The following HS1BP3 variants were observed in gnomAD, a reference collection of about 807,000 sequenced individuals.
HS1BP3 encodes the protein HCLS1-binding protein 3.
HS1BP3 carries 32 observed loss-of-function variants against 33.5 expected under a neutral mutation model. That is an observed-to-expected ratio of 0.95 (90% CI 0.72 to 1.28). The LOEUF (loss-of-function observed/expected upper bound fraction) is 1.28, where lower values mean the gene tolerates loss of function less well. HS1BP3 is among the 50% of genes most tolerant of loss of function. The pLI, the probability that HS1BP3 is intolerant of heterozygous loss-of-function variation, is 0.00. For missense variants in HS1BP3, 486 were observed against 502.3 expected (o/e 0.97, Z 0.31); for synonymous variants, 187 against 209.2 (o/e 0.89, Z 0.92).
At position 20,561,756 on chromosome 2, in the gene HS1BP3, C is replaced by A. The variant is rs144297502; in HGVS notation, c.303-1241G>T. On this transcript the variant is annotated intron_variant, in intron 5 of 5. Transcript: ENST00000446825. ...CTTCTTGGTTTCTGGCACACTGCTC[C>A]TTAAAACCCTTGGAATTGCCAGAGT... 2.7e-3 allele frequency among the ~76,000 whole-genome samples: 412 copies of A among 152,268 alleles called. 1 individual carries two copies. Among genetic ancestry groups the A allele is most frequent in the African/African-American group, 9.4e-3 (392 of 41,546 alleles).
intron 6 of HS1BP3, chr2:20,622,196 G>T: frequency 7.7e-7 from 1 of 1,295,044 alleles, no homozygotes; most frequent in Non-Finnish European, 1.0e-6. Context: ...ATGGCTATCA[G>T]AACATTCTTT....
chr2:20,628,973 G>T (rs984911733), intron 4 of HS1BP3, among the ~76,000 whole-genome samples: 1 of 152,174 alleles, frequency 6.6e-6, no homozygotes, highest in Admixed American at 6.5e-5. Context: ...CTTTGCTCAT[G>T]GTCCATAGAA....
chr2:20,619,437 G>A (rs1482353020), intron 6 of HS1BP3, among the ~76,000 whole-genome samples, 192 bp from the exon 7 acceptor site: 1 of 152,130 alleles, frequency 6.6e-6, no homozygotes, highest in African/African-American at 2.4e-5. Context: ...GAGGAGACAC[G>A]AAGGCCAGGG....
At chr2:20,642,031 C>T (rs1173122220) in intron 2 of HS1BP3, among the ~76,000 whole-genome samples, 2 of 152,206 alleles carry the variant, frequency 1.3e-5, no homozygotes, top group African/African-American at 4.8e-5. Flanking sequence ...GGCCTGGCAC[C>T]TACCCTCACT....
chr2:20,578,976 G>A (rs1430016845), intron 5 of HS1BP3, among the ~76,000 whole-genome samples: 1 of 152,236 alleles, frequency 6.6e-6, no homozygotes, highest in African/African-American at 2.4e-5. Context: ...GCAGCCAAGT[G>A]GAAAGTCAGG....
At chr2:20,642,109 C>T (rs1277626707) in intron 2 of HS1BP3, among the ~76,000 whole-genome samples, 1 of 152,262 alleles carries the variant, frequency 6.6e-6, no homozygotes, top group Non-Finnish European at 1.5e-5. Context: ...CTCCTCGCTC[C>T]TCTGTGCTTT....
downstream of HS1BP3, among the ~76,000 whole-genome samples, chr2:20,615,045 C>G (rs1694395210): frequency 6.6e-6 from 1 of 152,202 alleles, no homozygotes; most frequent in Non-Finnish European, 1.5e-5. Context: ...TGTTGACAGG[C>G]CTGTTGATCA....
chr2:20,588,542 A>T (rs1693736671), downstream of HS1BP3, among the ~76,000 whole-genome samples: 1 of 152,122 alleles, frequency 6.6e-6, no homozygotes, highest in Non-Finnish European at 1.5e-5. Context: ...CTGGTCTCGA[A>T]TTCCCGACCT....
chr2:20,593,225 C>T (rs1434209047), intron 3 of HS1BP3, among the ~76,000 whole-genome samples: 1 of 152,114 alleles, frequency 6.6e-6, no homozygotes, highest in Non-Finnish European at 1.5e-5. Flanking sequence ...CCCTCCCTGG[C>T]CACATTGTCT....
chr2:20,580,965 C>A lies in HS1BP3; in HGVS notation c.303-20450G>T, dbSNP rs148349146. Among the ~76,000 whole-genome samples, 482 of 152,346 alleles carry A rather than the reference C, an allele frequency of 3.2e-3. 5 individuals carry two copies. Among genetic ancestry groups the A allele is most frequent in the African/African-American group, 0.011 (470 of 41,574 alleles). Reference sequence around the variant, plus strand: ...GACCCAAGGATACCACTGCTGAAGGCACAGCCCCAGGTTAGTGTCCCATGC... The same window carrying A: ...GACCCAAGGATACCACTGCTGAAGGAACAGCCCCAGGTTAGTGTCCCATGC... On this transcript the variant is annotated intron_variant, in intron 5 of 5. Coordinates refer to the HS1BP3 transcript ENST00000446825.
chr2:20,617,822 T>C lies in HS1BP3; in HGVS notation c.*1165A>G, dbSNP rs1160551375. 1 of 152,568 alleles carries C rather than the reference T, an allele frequency of 6.6e-6. No individual in the cohort carries two copies. The highest frequency in any genetic ancestry group is 2.4e-5 in the African/African-American group (1 of 41,466). 9.5% of individuals were successfully genotyped at this position (152,568 alleles called of 1,614,324 possible). ...AAGAATTATATCCAAGAAAGACACC[T>C]TGACATTTTTTGCTTTATTAAACAT... On this transcript the variant is annotated 3_prime_UTR_variant, in exon 7 of 7. Coordinates refer to ENST00000304031, the MANE Select transcript of HS1BP3 (RefSeq NM_022460.4).
intron 3 of HS1BP3, 53 bp downstream of exon 3, chr2:20,640,920 G>A (rs574004270): frequency 1.3e-6 from 2 of 1,562,032 alleles, no homozygotes; most frequent in East Asian, 2.2e-5. Context: ...CGGCAGCGGG[G>A]CCTAGTTCTG....
intron 5 of HS1BP3, among the ~76,000 whole-genome samples, chr2:20,569,040 C>A (rs770481263): frequency 1.1e-4 from 16 of 152,146 alleles, no homozygotes; most frequent in Admixed American, 2.0e-4. Context: ...ATGAGCCCGG[C>A]AGCTAGGAAT....
chr2:20,642,906 C>T (rs1007363149), intron 2 of HS1BP3, among the ~76,000 whole-genome samples: 7 of 152,214 alleles, frequency 4.6e-5, no homozygotes, highest in African/African-American at 1.7e-4. Context: ...TGGGTGTCTG[C>T]ACTGCTAGCA....
chr2:20,641,835 G>A (rs1415479205), intron 2 of HS1BP3, among the ~76,000 whole-genome samples: 1 of 152,122 alleles, frequency 6.6e-6, no homozygotes, highest in African/African-American at 2.4e-5. Context: ...CTGCCTCCTT[G>A]GCCTCTCCCC....
the HS1BP3 span, among the ~76,000 whole-genome samples, chr2:20,554,137 C>T: frequency 6.6e-6 from 1 of 152,192 alleles, no homozygotes; most frequent in Non-Finnish European, 1.5e-5. Context: ...TAAGCAGGAA[C>T]TATGCCTGCC....
Position 20,635,950 on chromosome 2 carries a change from C to G in HS1BP3, c.623+2486G>C, listed in dbSNP as rs550283236. ...GTGCTGGCGACTCCCACCCTCCCAG[C>G]AGCCCTGCCGTGGAGCAGCCCTTCA... On this transcript the variant is annotated intron_variant, in intron 4 of 6. Coordinates refer to ENST00000304031, the MANE Select transcript of HS1BP3 (RefSeq NM_022460.4). The G allele has an allele frequency of 1.1e-4, 17 of 152,300 alleles. No homozygotes were observed. The East Asian group carries it at 3.3e-3, about 29-fold the overall frequency. 9.4% of individuals were successfully genotyped at this position (152,300 alleles called of 1,614,324 possible). A position where few individuals can be genotyped will look rare whatever the true frequency, so the allele number is the denominator to read the frequency against.
chr2:20,622,174 A>G, intron 6 of HS1BP3: 2 of 1,283,830 alleles, frequency 1.6e-6, no homozygotes, highest in South Asian at 2.5e-5. Context: ...GGGTGAAAGC[A>G]TGAATGAATG....
At chr2:20,628,543 A>T (rs1344227823) in intron 4 of HS1BP3, among the ~76,000 whole-genome samples, 1 of 152,088 alleles carries the variant, frequency 6.6e-6, no homozygotes, top group South Asian at 2.1e-4. Context: ...GCTGAGGCAT[A>T]AGAATCGCTT....
Sources: allele counts gnomAD v4.1 joint callset (sites outside exome capture counted in the v4.1 genomes callset), GRCh38; gene constraint gnomAD v4.1.1; transcripts MANE v1.5; gene names NCBI Gene and HGNC (gene_info 2026-07-23, HGNC 2026-07-21).